BCL2L14: variants seen among roughly 807,000 people sequenced by gnomAD.
BCL2L14 encodes the protein apoptosis facilitator Bcl-2-like protein 14.
BCL2L14 carries 27 observed loss-of-function variants against 35.3 expected under a neutral mutation model. The observed-to-expected ratio is 0.76, with a 90% CI of 0.56 to 1.05. The LOEUF is 1.05. Among genes scored for constraint, BCL2L14 ranks in the 50% least tolerant of loss-of-function variants. The probability of loss-of-function intolerance (pLI) is 0.00; values close to 1 mark genes in which losing one functional copy is unlikely to be tolerated. For missense variants in BCL2L14, 377 were observed against 382.6 expected (o/e 0.99, Z 0.12); for synonymous variants, 139 against 145.9 (o/e 0.95, Z 0.34).
At position 12,099,639 on chromosome 12, in the gene BCL2L14, G is replaced by A. The variant is rs914660208; in HGVS notation, c.*651G>A. 2.0e-5 allele frequency: 3 copies of A among 152,120 alleles called. No homozygotes were observed. The highest frequency in any genetic ancestry group is 7.2e-5 in the African/African-American group (3 of 41,402). The allele number at this position is 152,120 out of a possible 1,614,324, so 9.4% of individuals were successfully genotyped here. A position where few individuals can be genotyped will look rare whatever the true frequency, so the allele number is the denominator to read the frequency against. ...TCCCTGGGACTTCCTCATTCTTTGTGGTAGTACAATGATTGGTAGCAGGTA... is the reference window on the plus strand; with the variant it reads ...TCCCTGGGACTTCCTCATTCTTTGTAGTAGTACAATGATTGGTAGCAGGTA... On this transcript the variant is annotated 3_prime_UTR_variant, in exon 6 of 6. Transcript: ENST00000308721.
intron 2 of BCL2L14, among the ~76,000 whole-genome samples, chr12:12,057,030 C>T (rs1403412686): frequency 1.3e-5 from 2 of 151,020 alleles, no homozygotes; most frequent in Admixed American, 6.6e-5. Context: ...GAACATGTGG[C>T]AAATATTTTA....
In BCL2L14 at chr12:12,075,433, C is replaced by CT. The variant is rs139459317; in HGVS notation, c.-7-3856dup. Among the ~76,000 whole-genome samples, 375 of 105,502 alleles carry CT rather than the reference C, an allele frequency of 3.6e-3. 1 individual carries two copies. Among genetic ancestry groups the CT allele is most frequent in the African/African-American group, 0.011 (340 of 29,784 alleles). 69.2% of individuals were successfully genotyped at this position (105,502 alleles called of 152,430 possible). On this transcript the variant is annotated intron_variant, in intron 1 of 5. Transcript: ENST00000308721. Reference sequence around the variant, plus strand: ...CTATTCTTTCTTTCTTTCTTTCTTTCTTTTTTTTTTGAGACGGAGTTTCGC... The same window carrying CT: ...CTATTCTTTCTTTCTTTCTTTCTTTCTTTTTTTTTTTGAGACGGAGTTTCGC...
intron 5 of BCL2L14, among the ~76,000 whole-genome samples, chr12:12,097,131 C>G (rs952380712): frequency 2.0e-5 from 3 of 151,670 alleles, no homozygotes; most frequent in Non-Finnish European, 4.4e-5. Context: ...GGAGAGAGAG[C>G]GAGACTCTGT....
In BCL2L14 at chr12:12,076,117, CGG is replaced by C. The variant is rs1193058526; in HGVS notation, c.-7-3181_-7-3180del. The stretch of plus-strand genomic sequence containing the variant: ...ATGGATGAGGGGAGGGTGGGATGCC[CGG>C]AAAATGCATGGGGGAGGGTGGGATG... On this transcript the variant is annotated intron_variant, in intron 1 of 5. Coordinates refer to ENST00000308721, the MANE Select transcript of BCL2L14 (RefSeq NM_138723.2). Among the ~76,000 whole-genome samples the C allele has an allele frequency of 1.1e-3, 136 of 119,966 alleles. 1 individual carries two copies. Among genetic ancestry groups the C allele is most frequent in the African/African-American group, 4.1e-3 (126 of 30,532 alleles). The allele number at this position is 119,966 out of a possible 152,430, so 78.7% of individuals were successfully genotyped here. A position where few individuals can be genotyped will look rare whatever the true frequency, so the allele number is the denominator to read the frequency against.
At chr12:12,068,947 G>T (rs1157697590), upstream of BCL2L14, among the ~76,000 whole-genome samples, 1 of 152,164 alleles carries the variant, frequency 6.6e-6, no homozygotes, top group African/African-American at 2.4e-5. Flanking sequence ...TGGGAAAAAG[G>T]TGGGGAGTTC....
At chr12:12,075,614 G>A (rs1049206344) in intron 1 of BCL2L14, among the ~76,000 whole-genome samples, 2 of 151,350 alleles carry the variant, frequency 1.3e-5, no homozygotes, top group East Asian at 2.0e-4. Context: ...TAGTAGAGAC[G>A]GGGTTTCTCC....
chr12:12,079,836 A>G, intron 2 of BCL2L14, 98 bp downstream of exon 2: 3 of 1,240,500 alleles, frequency 2.4e-6, no homozygotes, highest in Non-Finnish European at 3.4e-6. Context: ...GTGGCTTTAG[A>G]GAAGGCATGC....
chr12:12,052,911 C>T (rs1305652843), intron 2 of BCL2L14, among the ~76,000 whole-genome samples: 4 of 152,180 alleles, frequency 2.6e-5, no homozygotes, highest in Admixed American at 2.6e-4. Flanking sequence ...AGAAGCCTGC[C>T]CATATCAAGG....
intron 3 of BCL2L14, among the ~76,000 whole-genome samples, chr12:12,089,905 A>C (rs1215723639): frequency 6.6e-6 from 1 of 152,254 alleles, no homozygotes; most frequent in Non-Finnish European, 1.5e-5. Context: ...AAAGAAAACA[A>C]AAACAGGAAA....
chr12:12,078,365 T>C (rs911914215), intron 1 of BCL2L14, among the ~76,000 whole-genome samples: 3 of 151,830 alleles, frequency 2.0e-5, no homozygotes, highest in South Asian at 2.1e-4. Context: ...CTTCCCTGAA[T>C]TGGCCTCCCT....
At chr12:12,084,344 G>A (rs1948993389) in intron 2 of BCL2L14, among the ~76,000 whole-genome samples, 1 of 152,168 alleles carries the variant, frequency 6.6e-6, no homozygotes, top group Non-Finnish European at 1.5e-5. Flanking sequence ...GGAGCCCAGG[G>A]AATATAGTTT....
rs772948308 is a variant in BCL2L14 at position 12,073,612 on chromosome 12, ACAC to A, written c.-8+2476_-8+2478del. 2.7e-4 allele frequency among the ~76,000 whole-genome samples: 41 copies of A among 152,090 alleles called. No individual in the cohort carries two copies. The East Asian group carries it at 2.7e-3, about 10-fold the overall frequency. ...AACATGCATGCACGCGCACACACAC[ACAC>A]AATTTTAAAGCCCTCGTGTTATATT... On this transcript the variant is annotated intron_variant, in intron 1 of 5. Transcript: ENST00000308721.
chr12:12,061,310 G>T (rs573551903), intron 2 of BCL2L14, among the ~76,000 whole-genome samples: 4 of 151,102 alleles, frequency 2.6e-5, no homozygotes, highest in African/African-American at 7.3e-5. Flanking sequence ...CCTCCTTGGC[G>T]ACCAATCACA....
At chr12:12,092,948 T>A (rs1186035021) in intron 4 of BCL2L14, among the ~76,000 whole-genome samples, 2 of 152,218 alleles carry the variant, frequency 1.3e-5, no homozygotes, top group Admixed American at 1.3e-4. Flanking sequence ...CAAATAAATA[T>A]TTTGTCCCTG....
chr12:12,091,028 G>A (rs1001530456), intron 4 of BCL2L14, among the ~76,000 whole-genome samples, 179 bp downstream of exon 4: 5 of 152,132 alleles, frequency 3.3e-5, no homozygotes, highest in Admixed American at 6.5e-5. Flanking sequence ...TCAAAAATGA[G>A]TCACTTTGGA....
intron 1 of BCL2L14, among the ~76,000 whole-genome samples, chr12:12,050,813 AG>A (rs1359636822): frequency 1.8e-4 from 24 of 130,738 alleles, no homozygotes; most frequent in African/African-American, 4.4e-4. Flanking sequence ...AAAAAAAAAA[AG>A]AAAAGAAAAG....
chr12:12,092,441 AG>A (rs1949209212), intron 4 of BCL2L14, among the ~76,000 whole-genome samples: 1 of 152,132 alleles, frequency 6.6e-6, no homozygotes, highest in Non-Finnish European at 1.5e-5. Flanking sequence ...GCGGGTGCCA[AG>A]CTCCCACTGC....
Position 12,079,451 on chromosome 12 carries a change from G to A in BCL2L14, c.146G>A (p.Arg49Lys), listed in dbSNP as rs1948861373. 4.3e-6 allele frequency: 7 copies of A among 1,614,230 alleles called. No individual in the cohort carries two copies. The highest frequency in any genetic ancestry group is 5.9e-6 in the Non-Finnish European group (7 of 1,180,050). Residue 49 changes from arginine (R) to lysine (K), a missense_variant, in exon 2 of 6, where the codon AGA (arginine) becomes AAA (lysine). Physicochemically the swap from Arg to Lys is conservative, Grantham distance 26 (BLOSUM62 2). Transcript: ENST00000308721. ...TPALFSPKLL[R>K]TRSLSQRGLG... The stretch of plus-strand genomic sequence containing the variant: ...GCTCTCTTCTCACCAAAGCTGCTGA[G>A]AACAAGAAGTTTGTCCCAGAGGGGC...
chr12:12,072,839 A>T (rs1456563699), intron 1 of BCL2L14, among the ~76,000 whole-genome samples: 1 of 151,948 alleles, frequency 6.6e-6, no homozygotes, highest in African/African-American at 2.4e-5. Flanking sequence ...TATAACAAGG[A>T]TTAGAGGAAA....
Sources: gnomAD v4.1 joint callset for allele counts (sites outside exome capture counted in the v4.1 genomes callset) on GRCh38, gnomAD v4.1.1 for gene constraint, MANE v1.5 for transcripts, NCBI Gene and HGNC (gene_info 2026-07-23, HGNC 2026-07-21) for gene names.